The following SMOC1 variants were observed in gnomAD, a reference collection of about 807,000 sequenced individuals.
The protein encoded by SMOC1 is SPARC-related modular calcium-binding protein 1.
A neutral mutation model predicts 56.3 loss-of-function variants in SMOC1; 22 were observed. The observed-to-expected ratio is 0.39, with a 90% CI of 0.28 to 0.56. SMOC1 has a LOEUF of 0.56. SMOC1 is among the 20% of genes least tolerant of loss of function. The pLI, the probability that SMOC1 is intolerant of heterozygous loss-of-function variation, is 0.61. For missense variants in SMOC1, 509 were observed against 565.4 expected, an observed-to-expected ratio of 0.90 and a Z score of 1.01; for synonymous variants, 193 against 215.0, an observed-to-expected ratio of 0.90 and a Z score of 0.89.
At position 70,011,577 on chromosome 14, in the gene SMOC1, G is replaced by C; in HGVS notation, c.940+10G>C. 1 of 1,613,470 alleles carries C rather than the reference G, an allele frequency of 6.2e-7. No homozygotes were observed. Among genetic ancestry groups the C allele is most frequent in the Non-Finnish European group, 8.5e-7 (1 of 1,179,502 alleles). Reference sequence around the variant, plus strand: ...GACAGGGAGCTACCAGGTGGGAGACGATGCTGCCCTGCCGGCGCCATCACC... The same window carrying C: ...GACAGGGAGCTACCAGGTGGGAGACCATGCTGCCCTGCCGGCGCCATCACC... On this transcript the variant is annotated intron_variant, in intron 9 of 11. Coordinates refer to ENST00000361956, the MANE Select transcript of SMOC1 (RefSeq NM_001034852.3).
chr14:69,934,732 C>T (rs115387844), intron 1 of SMOC1, among the ~76,000 whole-genome samples: 1,976 of 152,284 alleles, frequency 0.013, 46 homozygotes, highest in African/African-American at 0.045. Context: ...TGAGCCTTTA[C>T]GTAGTCCAAG....
intron 1 of SMOC1, chr14:69,885,304 A>G: frequency 9.3e-7 from 1 of 1,075,582 alleles, no homozygotes; most frequent in Non-Finnish European, 1.3e-6. Context: ...TATTATTTTA[A>G]TTATTTTTAT....
At chr14:69,908,895 T>A (rs1421553478) in intron 1 of SMOC1, among the ~76,000 whole-genome samples, 1 of 152,140 alleles carries the variant, frequency 6.6e-6, no homozygotes, top group Non-Finnish European at 1.5e-5. Context: ...TGGGGGTGTG[T>A]GTGTGTGAGA....
chr14:70,002,226 G>A (rs575811721), intron 7 of SMOC1, among the ~76,000 whole-genome samples: 1 of 152,338 alleles, frequency 6.6e-6, no homozygotes, highest in Admixed American at 6.5e-5. Context: ...ACAATTGAGG[G>A]ATGATGTTAG....
intron 7 of SMOC1, among the ~76,000 whole-genome samples, chr14:70,001,502 T>G (rs1206490109): frequency 6.6e-6 from 1 of 152,116 alleles, no homozygotes; most frequent in East Asian, 1.9e-4. Flanking sequence ...GCAGATAGAC[T>G]CTTAGCTATA....
chr14:70,011,243 G>C (rs1042466736), intron 8 of SMOC1, among the ~76,000 whole-genome samples: 1 of 152,118 alleles, frequency 6.6e-6, no homozygotes, highest in African/African-American at 2.4e-5. Context: ...AAGATACTGC[G>C]TGCAGCTCAA....
intron 3 of SMOC1, among the ~76,000 whole-genome samples, chr14:69,973,651 G>A (rs1275717900): frequency 6.6e-6 from 1 of 152,190 alleles, no homozygotes; most frequent in Non-Finnish European, 1.5e-5. Flanking sequence ...CATTTAGACA[G>A]CATGCACCTT....
intron 1 of SMOC1, among the ~76,000 whole-genome samples, chr14:69,927,132 G>T (rs1489141471): frequency 1.3e-5 from 2 of 152,234 alleles, no homozygotes; most frequent in African/African-American, 4.8e-5. Context: ...ACATGCCCAA[G>T]GGCAAAAACT....
intron 1 of SMOC1, among the ~76,000 whole-genome samples, chr14:69,938,766 G>C (rs1361681830): frequency 6.6e-6 from 1 of 152,220 alleles, no homozygotes; most frequent in Non-Finnish European, 1.5e-5. Context: ...GATATCGGAG[G>C]TCTTATGTCT....
intron 3 of SMOC1, among the ~76,000 whole-genome samples, chr14:69,963,009 G>T (rs1883440274): frequency 1.3e-5 from 2 of 152,066 alleles, no homozygotes; most frequent in Non-Finnish European, 1.5e-5. Flanking sequence ...ATCTTGAATT[G>T]TCTTGGTCCT....
At chr14:70,017,270 C>T (rs533945464) in intron 10 of SMOC1, among the ~76,000 whole-genome samples, 1 of 152,262 alleles carries the variant, frequency 6.6e-6, no homozygotes, top group South Asian at 2.1e-4. Context: ...CCGAGGGTAC[C>T]CTGGCCAGGA....
chr14:69,963,597 G>A (rs1474815259), intron 3 of SMOC1, among the ~76,000 whole-genome samples: 2 of 151,254 alleles, frequency 1.3e-5, no homozygotes, highest in East Asian at 2.0e-4. Flanking sequence ...TATCCTCTGT[G>A]GGCATTAAGG....
At chr14:69,935,796 C>T (rs576477503) in intron 1 of SMOC1, among the ~76,000 whole-genome samples, 19 of 152,326 alleles carry the variant, frequency 1.2e-4, no homozygotes, top group Admixed American at 2.6e-4. Context: ...GTGAGGATTG[C>T]GTCCACAGGA....
At chr14:69,965,377 A>AAATAAT (rs544015097) in intron 3 of SMOC1, among the ~76,000 whole-genome samples, 1,181 of 113,914 alleles carry the variant, frequency 0.01, 16 homozygotes, top group African/African-American at 0.027. Context: ...CAAGACTCTC[A>AAATAAT]AATAATAATA....
chr14:69,918,149 A>G (rs1884735471), intron 1 of SMOC1, among the ~76,000 whole-genome samples: 1 of 152,158 alleles, frequency 6.6e-6, no homozygotes, highest in South Asian at 2.1e-4. Flanking sequence ...TCTCTTAGTA[A>G]CTTTCAAGTA....
intron 1 of SMOC1, among the ~76,000 whole-genome samples, chr14:69,890,156 A>G (rs1190655043): frequency 6.6e-6 from 1 of 152,204 alleles, no homozygotes; most frequent in East Asian, 1.9e-4. Flanking sequence ...TATGACCAGC[A>G]TCTGTTAGTT....
chr14:69,988,360 C>T (rs1884443195), intron 5 of SMOC1, among the ~76,000 whole-genome samples: 1 of 151,320 alleles, frequency 6.6e-6, no homozygotes, highest in African/African-American at 2.4e-5. Flanking sequence ...GAGAAATACT[C>T]TCTGAGGTCC....
intron 3 of SMOC1, among the ~76,000 whole-genome samples, chr14:69,962,680 G>A (rs1252532479): frequency 2.0e-5 from 3 of 151,908 alleles, no homozygotes; most frequent in Non-Finnish European, 2.9e-5. Flanking sequence ...GGGCTCAAGC[G>A]ATCCTCCCAC....
chr14:69,924,195 C>T (rs1884927930), intron 1 of SMOC1, among the ~76,000 whole-genome samples: 2 of 152,334 alleles, frequency 1.3e-5, no homozygotes, highest in South Asian at 4.1e-4. Flanking sequence ...GCCTAGAGAT[C>T]ACTCTTGGTC....
Sources: allele counts gnomAD v4.1 joint callset (sites outside exome capture counted in the v4.1 genomes callset), GRCh38; gene constraint gnomAD v4.1.1; transcripts MANE v1.5; gene names NCBI Gene and HGNC (gene_info 2026-07-23, HGNC 2026-07-21).